TUB: variants seen among roughly 807,000 people sequenced by gnomAD.
The protein encoded by TUB is tubby protein homolog.
TUB carries 33 observed loss-of-function variants against 59.7 expected under a neutral mutation model. That is an observed-to-expected ratio of 0.55 (90% confidence interval 0.42 to 0.74). The LOEUF (loss-of-function observed/expected upper bound fraction) is 0.74, where lower values mean the gene tolerates loss of function less well. Ranked by LOEUF, TUB falls within the 30% of genes least tolerant of loss-of-function variation. TUB has a pLI of 0.00. For synonymous variants in TUB, 293 were observed against 256.4 expected (o/e 1.14, Z -1.36); for missense variants, 659 against 672.0 (o/e 0.98, Z 0.21).
chr11:8,055,924 G>GT (rs1943012022), intron 2 of TUB, among the ~76,000 whole-genome samples: 1 of 152,204 alleles, frequency 6.6e-6, no homozygotes, highest in Non-Finnish European at 1.5e-5. Context: ...GGGAGCCTGG[G>GT]CTCAGCGTTC....
At chr11:8,043,068 C>G (rs918309233) in intron 2 of TUB, among the ~76,000 whole-genome samples, 3 of 151,994 alleles carry the variant, frequency 2.0e-5, no homozygotes, top group Non-Finnish European at 4.4e-5. Context: ...AGTTTTGGCT[C>G]TTTCATTTAG....
intron 10 of TUB, 31 bp from the exon 11 acceptor site, chr11:8,100,795 G>C: frequency 2.5e-6 from 4 of 1,611,376 alleles, no homozygotes; most frequent in Non-Finnish European, 3.4e-6. Context: ...CCAAAGGCCT[G>C]GGCCTGGCTC....
chr11:8,081,416 G>T lies in TUB; in HGVS notation c.-95G>T, dbSNP rs1234008181. The T allele has an allele frequency of 9.2e-7, 1 of 1,091,440 alleles. No homozygotes were observed. 67.6% of individuals were successfully genotyped at this position (1,091,440 alleles called of 1,614,324 possible). A position where few individuals can be genotyped will look rare whatever the true frequency, so the allele number is the denominator to read the frequency against. On this transcript the variant is annotated 5_prime_UTR_variant, in exon 1 of 12. Transcript: ENST00000299506. ...CAGCGCCCCGGCCCGGGAGGATGCG[G>T]CCCGGGGCGGCCCGGGAGCTGAGCA...
At chr11:8,100,465 G>A (rs748474803) in intron 9 of TUB, 38 bp from the exon 10 acceptor site, 1 of 1,546,228 alleles carries the variant, frequency 6.5e-7, no homozygotes, top group South Asian at 1.1e-5. Flanking sequence ...TAGGTAAATA[G>A]ACGCCTCAGG....
chr11:8,035,963 G>C (rs1453514516), upstream of TUB: 1 of 152,246 alleles, frequency 6.6e-6, no homozygotes, highest in African/African-American at 2.4e-5. Context: ...TCGCTGAAGG[G>C]CTTCTGTTCT....
At position 8,097,804 on chromosome 11, in the gene TUB, G is replaced by A. The variant is rs1246657817; in HGVS notation, c.976G>A (p.Asp326Asn). The A allele has an allele frequency of 6.2e-7, 1 of 1,613,936 alleles. No homozygotes were observed. The highest frequency in any genetic ancestry group is 2.2e-5 in the East Asian group (1 of 44,876). ...CCCAACAGACTTGTCTCGAGGAGGGGACAGCTATATCGGGAAACTGCGGTA... is the reference window on the plus strand; with the variant it reads ...CCCAACAGACTTGTCTCGAGGAGGGAACAGCTATATCGGGAAACTGCGGTA... ...VDPTDLSRGGDSYIGKLRSNL... is the reference protein window; with the variant it reads ...VDPTDLSRGGNSYIGKLRSNL... The change falls in exon 8 of 12, where the codon GAC (aspartate) becomes AAC (asparagine). Residue 326 changes from aspartate (D) to asparagine (N), a missense_variant. By Grantham distance (23) the Asp-to-Asn change is conservative (BLOSUM62 1). Transcript: ENST00000299506.
At chr11:8,040,149 G>T (rs1942723232) in intron 2 of TUB, among the ~76,000 whole-genome samples, 1 of 152,186 alleles carries the variant, frequency 6.6e-6, no homozygotes, top group African/African-American at 2.4e-5. Context: ...GAGATGCCCT[G>T]CCCCGGGGTG....
intron 1 of TUB, among the ~76,000 whole-genome samples, chr11:8,032,245 T>C (rs1324231454): frequency 6.6e-6 from 1 of 152,130 alleles, no homozygotes; most frequent in Non-Finnish European, 1.5e-5. Flanking sequence ...TATAGCCTTG[T>C]GACACCACAA....
At chr11:8,021,554 A>T (rs961754486) in intron 1 of TUB, among the ~76,000 whole-genome samples, 2 of 152,166 alleles carry the variant, frequency 1.3e-5, no homozygotes, top group Non-Finnish European at 2.9e-5. Flanking sequence ...AACAAGTGGT[A>T]TAAATTGCTG....
At chr11:8,025,497 T>A (rs755252714) in intron 1 of TUB, among the ~76,000 whole-genome samples, 1 of 152,124 alleles carries the variant, frequency 6.6e-6, no homozygotes, top group Non-Finnish European at 1.5e-5. Context: ...TTCTCCCAAC[T>A]CCCCGCACCC....
chr11:8,074,096 G>GTT (rs112714039), intron 2 of TUB, among the ~76,000 whole-genome samples: 3,276 of 149,742 alleles, frequency 0.022, 141 homozygotes, highest in African/African-American at 0.077. Context: ...GGTTTTTGTG[G>GTT]TTTTTTTTTT....
intron 1 of TUB, among the ~76,000 whole-genome samples, chr11:8,025,397 C>T (rs1175446273): frequency 2.0e-5 from 3 of 152,152 alleles, no homozygotes; most frequent in Admixed American, 6.5e-5. Flanking sequence ...CAAGTGACAA[C>T]GTCCTGAGGT....
chr11:8,101,227 G>A (rs1944286855), intron 11 of TUB, among the ~76,000 whole-genome samples: 1 of 152,188 alleles, frequency 6.6e-6, no homozygotes, highest in South Asian at 2.1e-4. Context: ...CTCAGGCACG[G>A]GAACACCCTT....
chr11:8,067,834 T>A (rs1943275633), intron 2 of TUB: 1 of 152,348 alleles, frequency 6.6e-6, no homozygotes, highest in Non-Finnish European at 1.5e-5. Flanking sequence ...AAGCTCCAGA[T>A]GCGCTTTTCC....
chr11:8,068,054 T>C (rs905761369), intron 2 of TUB: 1 of 152,250 alleles, frequency 6.6e-6, no homozygotes, highest in Non-Finnish European at 1.5e-5. Flanking sequence ...CTAAAAGCTT[T>C]TATTTATTAA....
chr11:8,085,584 T>C (rs1393481684), intron 1 of TUB, among the ~76,000 whole-genome samples: 1 of 152,214 alleles, frequency 6.6e-6, no homozygotes, highest in African/African-American at 2.4e-5. Context: ...TTTCCTCTCC[T>C]GACAGCCCAC....
At chr11:8,091,242 T>C (rs751186204) in intron 3 of TUB, among the ~76,000 whole-genome samples, 5 of 152,144 alleles carry the variant, frequency 3.3e-5, no homozygotes, top group Non-Finnish European at 5.9e-5. Flanking sequence ...CCTGAGCCCT[T>C]TGTCTGCACA....
intron 11 of TUB, among the ~76,000 whole-genome samples, 177 bp downstream of exon 11, chr11:8,101,174 T>G (rs1944283314): frequency 6.6e-6 from 1 of 152,178 alleles, no homozygotes; most frequent in Non-Finnish European, 1.5e-5. Flanking sequence ...TGGAAGAACC[T>G]TCTTTGCAGC....
intron 1 of TUB, among the ~76,000 whole-genome samples, chr11:8,027,478 TTTTG>T (rs754112503): frequency 5.3e-4 from 81 of 152,306 alleles, no homozygotes; most frequent in Non-Finnish European, 9.7e-4. Flanking sequence ...ATAAACCACA[TTTTG>T]TTTATTTTTA....
Sources: allele counts gnomAD v4.1 joint callset (sites outside exome capture counted in the v4.1 genomes callset), GRCh38; gene constraint gnomAD v4.1.1; transcripts MANE v1.5; gene names NCBI Gene and HGNC (gene_info 2026-07-23, HGNC 2026-07-21).